Variants in ANO4 observed in about 807,000 individuals in gnomAD.
ANO4 encodes anoctamin 4.
A neutral mutation model predicts 141.9 loss-of-function variants in ANO4; 69 were observed. That is an observed-to-expected ratio of 0.49 (90% CI 0.40 to 0.59). ANO4 has a LOEUF of 0.59. Among genes scored for constraint, ANO4 ranks in the 20% least tolerant of loss-of-function variants. The pLI, the probability that ANO4 is intolerant of heterozygous loss-of-function variation, is 0.00. For synonymous variants in ANO4, 350 were observed against 394.3 expected (o/e 0.89, Z 1.33); for missense variants, 894 against 1,162.2 (o/e 0.77, Z 3.36).
chr12:101,089,521 A>G (rs2049662080), intron 17 of ANO4, among the ~76,000 whole-genome samples: 1 of 152,176 alleles, frequency 6.6e-6, no homozygotes, highest in African/African-American at 2.4e-5. Context: ...TTGTAGGTAG[A>G]GAGTGATTCC....
rs149709613 is a variant in ANO4, at chr12:101,127,428, A to T, written c.*4+354A>T. On this transcript the variant is annotated intron_variant, in intron 27 of 27. Coordinates refer to ENST00000392977, the MANE Select transcript of ANO4 (RefSeq NM_001286615.2). The stretch of plus-strand genomic sequence containing the variant: ...CCAGGGAAACATGCCCCTTCTTTCT[A>T]GGTGGGTGGGAGGCAGACATTAGCA... Among the ~76,000 whole-genome samples, 223 of 152,152 alleles carry T rather than the reference A, an allele frequency of 1.5e-3. 1 individual carries two copies. Among genetic ancestry groups the T allele is most frequent in the African/African-American group, 4.9e-3 (204 of 41,518 alleles).
intron 1 of ANO4, among the ~76,000 whole-genome samples, chr12:100,831,128 G>C (rs1427024426): frequency 6.6e-6 from 1 of 152,086 alleles, no homozygotes. Flanking sequence ...AAAAGTACTT[G>C]ATAGAAAATG....
In ANO4 at chr12:100,992,611, A is replaced by AT. The variant is rs771167121; in HGVS notation, c.734+4948dup. On this transcript the variant is annotated intron_variant, in intron 8 of 27. Coordinates refer to ENST00000392977, the MANE Select transcript of ANO4 (RefSeq NM_001286615.2). ...TTGTAGTTAATGTTTCCTAGATAAC[A>AT]TTTTTTTAACAATTGAAATGCTATA... 2.6e-5 allele frequency among the ~76,000 whole-genome samples: 4 copies of AT among 152,236 alleles called. No homozygotes were observed. The East Asian group carries it at 7.7e-4, about 29-fold the overall frequency.
chr12:100,857,774 T>C lies in ANO4; in HGVS notation c.-140-43872T>C, dbSNP rs147335849. Among the ~76,000 whole-genome samples the C allele has an allele frequency of 8.9e-4, 135 of 152,252 alleles. 2 individuals carry two copies. Among genetic ancestry groups the C allele is most frequent in the Middle Eastern group, 6.8e-3 (2 of 294 alleles). On this transcript the variant is annotated intron_variant, in intron 1 of 27. Coordinates refer to ENST00000392977, the MANE Select transcript of ANO4 (RefSeq NM_001286615.2). Reference sequence around the variant, plus strand: ...GGATTGCCTCTGAAGCCCTCTGAATTTGTAATAGAACTACAGCCTCCTCAA... The same window carrying C: ...GGATTGCCTCTGAAGCCCTCTGAATCTGTAATAGAACTACAGCCTCCTCAA...
chr12:100,933,229 C>G (rs535198848), intron 3 of ANO4, among the ~76,000 whole-genome samples: 1 of 151,986 alleles, frequency 6.6e-6, no homozygotes, highest in African/African-American at 2.4e-5. Context: ...ATCAACTCAT[C>G]ATTTACATTA....
chr12:101,049,140 G>A (rs2047755485), intron 14 of ANO4, among the ~76,000 whole-genome samples: 3 of 152,190 alleles, frequency 2.0e-5, no homozygotes, highest in African/African-American at 7.2e-5. Context: ...ACAACGAGGA[G>A]AGACAAACTT....
chr12:100,984,658 A>C (rs1333836948), intron 7 of ANO4, among the ~76,000 whole-genome samples: 1 of 152,178 alleles, frequency 6.6e-6, no homozygotes, highest in Admixed American at 6.5e-5. Flanking sequence ...TGAAGGGTAA[A>C]TAACTTGTGG....
chr12:100,861,817 A>G (rs1297900081), intron 1 of ANO4, among the ~76,000 whole-genome samples: 1 of 152,188 alleles, frequency 6.6e-6, no homozygotes, highest in Non-Finnish European at 1.5e-5. Context: ...TTCTTATTCT[A>G]TAAGTTTTTT....
chr12:101,110,921 G>T (rs1404142195), intron 23 of ANO4, among the ~76,000 whole-genome samples: 2 of 152,166 alleles, frequency 1.3e-5, no homozygotes, highest in Non-Finnish European at 2.9e-5. Flanking sequence ...TGATTTACAT[G>T]AAGTATAATC....
intron 4 of ANO4, among the ~76,000 whole-genome samples, chr12:100,939,929 T>A (rs2042438222): frequency 6.6e-6 from 1 of 152,136 alleles, no homozygotes; most frequent in Non-Finnish European, 1.5e-5. Flanking sequence ...TTTGGAAAAA[T>A]TAGTATTTTT....
intron 3 of ANO4, among the ~76,000 whole-genome samples, chr12:100,773,253 C>A (rs1326218818): frequency 6.6e-6 from 1 of 152,166 alleles, no homozygotes; most frequent in Admixed American, 6.5e-5. Flanking sequence ...GGCTGAGCCC[C>A]ATCTCCAAAT....
rs529239710 is a variant in ANO4 at position 100,927,221 on chromosome 12, C to G, written c.160+4891C>G. On this transcript the variant is annotated intron_variant, in intron 3 of 27. Coordinates refer to ENST00000392977, the MANE Select transcript of ANO4 (RefSeq NM_001286615.2). ...TTTGCACAGTTCTGGATACATGAGG[C>G]AGGAAAGTGGGAGTGTCAGCAATAA... Among the ~76,000 whole-genome samples the G allele has an allele frequency of 4.6e-5, 7 of 152,192 alleles. No homozygotes were observed. In the South Asian group the frequency reaches 1.5e-3, roughly 32 times the overall value.
At chr12:100,887,673 G>C (rs1401248795) in intron 1 of ANO4, among the ~76,000 whole-genome samples, 1 of 152,152 alleles carries the variant, frequency 6.6e-6, no homozygotes, top group Admixed American at 6.5e-5. Flanking sequence ...TTTAATTTCT[G>C]AATCCTCAGT....
intron 3 of ANO4, among the ~76,000 whole-genome samples, chr12:100,760,124 C>T (rs901556457): frequency 6.6e-6 from 1 of 152,084 alleles, no homozygotes; most frequent in Non-Finnish European, 1.5e-5. Context: ...TACTTCATTG[C>T]CTCTATTCTT....
Position 101,079,366 on chromosome 12 carries a change from C to T in ANO4, c.1395+91C>T, listed in dbSNP as rs117073555. ...AAAATTGTCACTCTCTGTTCTGTGA[C>T]GGAAGTCAGGTGTACTCATAAAGCA... On this transcript the variant is annotated intron_variant, in intron 15 of 27. Transcript: ENST00000392977. The T allele has an allele frequency of 6.1e-4, 681 of 1,114,776 alleles. 7 individuals are homozygous for T. The East Asian group carries it at 0.013, about 22-fold the overall frequency. The allele number at this position is 1,114,776 out of a possible 1,614,324, so 69.1% of individuals were successfully genotyped here.
At chr12:100,745,064 A>G (rs2032042529) in intron 3 of ANO4, among the ~76,000 whole-genome samples, 1 of 152,102 alleles carries the variant, frequency 6.6e-6, no homozygotes, top group South Asian at 2.1e-4. Context: ...CCATAATAGA[A>G]TAAAGTCTAA....
intron 1 of ANO4, among the ~76,000 whole-genome samples, chr12:100,878,575 A>T (rs2039424042): frequency 6.6e-6 from 1 of 152,178 alleles, no homozygotes; most frequent in Admixed American, 6.5e-5. Flanking sequence ...CAGGACCCTT[A>T]ACTGAGTTGA....
chr12:100,824,239 C>T (rs1298998379), intron 1 of ANO4, among the ~76,000 whole-genome samples: 1 of 151,970 alleles, frequency 6.6e-6, no homozygotes, highest in Admixed American at 6.6e-5. Context: ...TCATGTGACT[C>T]ATCCCCCAAG....
At chr12:100,807,808 T>C (rs1264190598) in intron 1 of ANO4, among the ~76,000 whole-genome samples, 1 of 152,190 alleles carries the variant, frequency 6.6e-6, no homozygotes, top group Admixed American at 6.5e-5. Flanking sequence ...ACATGATGTT[T>C]GGTTTTCTGT....
Sources: allele counts gnomAD v4.1 joint callset (sites outside exome capture counted in the v4.1 genomes callset), GRCh38; gene constraint gnomAD v4.1.1; transcripts MANE v1.5; gene names NCBI Gene and HGNC (gene_info 2026-07-23, HGNC 2026-07-21).